The following ARHGAP35 variants were observed in gnomAD, a reference collection of about 807,000 sequenced individuals.
The protein encoded by ARHGAP35 is rho GTPase-activating protein 35.
ARHGAP35 carries 15 observed loss-of-function variants against 111.1 expected under a neutral mutation model. The ratio of observed to expected loss-of-function variants is 0.13; its 90% CI spans 0.09 to 0.21. ARHGAP35 has a LOEUF of 0.21. ARHGAP35 is among the 10% of genes least tolerant of loss of function. The pLI is 1.00. For synonymous variants in ARHGAP35, 643 were observed against 710.3 expected (o/e 0.91, Z 1.51); for missense variants, 1,262 against 1,873.0 (o/e 0.67, Z 6.02).
chr19:46,911,105 C>G (rs1182470861), intron 1 of ARHGAP35, among the ~76,000 whole-genome samples: 1 of 152,164 alleles, frequency 6.6e-6, no homozygotes, highest in Non-Finnish European at 1.5e-5. Context: ...TCTTGGAAAC[C>G]CTTTTCCAGT....
intron 1 of ARHGAP35, among the ~76,000 whole-genome samples, chr19:46,866,590 G>A (rs2055858757): frequency 1.3e-5 from 2 of 152,162 alleles, no homozygotes; most frequent in African/African-American, 2.4e-5. Flanking sequence ...CACTTACCAA[G>A]TTAGAGTTGG....
chr19:46,943,741 T>C (rs2056362854), intron 3 of ARHGAP35, among the ~76,000 whole-genome samples: 1 of 152,226 alleles, frequency 6.6e-6, no homozygotes, highest in Admixed American at 6.5e-5. Flanking sequence ...TTAAGGCTTG[T>C]CCTGCAAAAT....
Position 47,003,634 on chromosome 19 carries a change from G to A in ARHGAP35, c.*2946G>A, listed in dbSNP as rs979688584. On this transcript the variant is annotated 3_prime_UTR_variant, in exon 7 of 7. Transcript: ENST00000672722. ...TAGCGTTTGGGGAGGAACAGGGAGA[G>A]AGCTTCGGGGCGTCTGTCTCCGTGC... The A allele has an allele frequency of 6.6e-6, 1 of 152,244 alleles. No homozygotes were observed. The highest frequency in any genetic ancestry group is 2.4e-5 in the African/African-American group (1 of 41,444). 9.4% of individuals were successfully genotyped at this position (152,244 alleles called of 1,614,324 possible).
intron 3 of ARHGAP35, among the ~76,000 whole-genome samples, chr19:46,959,665 G>T (rs1187769987): frequency 6.6e-6 from 1 of 152,084 alleles, no homozygotes; most frequent in African/African-American, 2.4e-5. Context: ...CTCCCAAAGT[G>T]CTGGGATTAC....
chr19:46,900,222 G>GT (rs373787596), intron 1 of ARHGAP35, among the ~76,000 whole-genome samples: 22,709 of 128,566 alleles, frequency 0.18, 2,623 homozygotes, highest in Middle Eastern at 0.32. Context: ...TGTTTTTTGG[G>GT]TTTTTTTTTT....
intron 3 of ARHGAP35, among the ~76,000 whole-genome samples, chr19:46,981,774 G>C (rs1231777602): frequency 6.6e-6 from 1 of 152,216 alleles, no homozygotes; most frequent in Non-Finnish European, 1.5e-5. Context: ...GTCCCCACCA[G>C]CTCTCACCGG....
intron 1 of ARHGAP35, among the ~76,000 whole-genome samples, chr19:46,897,361 A>G (rs1383529020): frequency 6.6e-6 from 1 of 151,966 alleles, no homozygotes; most frequent in Non-Finnish European, 1.5e-5. Context: ...TGTTAATGGA[A>G]AGCTGGGTTA....
intron 3 of ARHGAP35, among the ~76,000 whole-genome samples, chr19:46,940,669 G>A (rs2056341500): frequency 6.7e-6 from 1 of 150,202 alleles, no homozygotes; most frequent in Admixed American, 6.6e-5. Flanking sequence ...TTCCCAGGCT[G>A]GTCTCAAACT....
At chr19:46,889,692 A>G (rs1333678242) in intron 1 of ARHGAP35, among the ~76,000 whole-genome samples, 1 of 142,484 alleles carries the variant, frequency 7.0e-6, no homozygotes, top group Non-Finnish European at 1.5e-5. Flanking sequence ...CGGAGCTTGC[A>G]GTGAGCCGAG....
intron 3 of ARHGAP35, among the ~76,000 whole-genome samples, chr19:46,953,220 A>C (rs759317399): frequency 5.3e-5 from 8 of 152,230 alleles, no homozygotes; most frequent in Non-Finnish European, 1.2e-4. Context: ...AAGAAGTAAA[A>C]TGTAAAGAAC....
At chr19:46,925,645 G>A (rs1171389432) in intron 2 of ARHGAP35, among the ~76,000 whole-genome samples, 1 of 152,220 alleles carries the variant, frequency 6.6e-6, no homozygotes, top group Admixed American at 6.5e-5. Flanking sequence ...GGAAGGCTAT[G>A]TGTGGGCATG....
In ARHGAP35 at chr19:46,861,182, C is replaced by A. The variant is rs1181129011; in HGVS notation, c.-216C>A. Among the ~76,000 whole-genome samples the A allele has an allele frequency of 6.6e-6, 1 of 151,648 alleles. No individual in the cohort carries two copies. The highest frequency in any genetic ancestry group is 6.6e-5 in the Admixed American group (1 of 15,230). ...GTCGTTGCTGCCGGGATTTTGGAGG[C>A]CGGGGCCGCGCTGAGGGCGCCCAGC... is the stretch of plus-strand genomic sequence containing the variant. On this transcript the variant is annotated 5_prime_UTR_variant, in exon 1 of 7. Transcript: ENST00000672722.
intron 3 of ARHGAP35, among the ~76,000 whole-genome samples, chr19:46,938,864 G>A (rs1326523498): frequency 1.3e-5 from 2 of 150,750 alleles, no homozygotes; most frequent in Non-Finnish European, 2.9e-5. Flanking sequence ...CACCACATTG[G>A]TCAGGCTGTC....
chr19:46,891,644 C>A (rs2056024507), intron 1 of ARHGAP35, among the ~76,000 whole-genome samples: 2 of 152,032 alleles, frequency 1.3e-5, no homozygotes, highest in Admixed American at 6.6e-5. Context: ...CCAGGATGGT[C>A]TCAATCTCTT....
intron 1 of ARHGAP35, among the ~76,000 whole-genome samples, chr19:46,913,068 A>C (rs989916479): frequency 6.6e-6 from 1 of 151,404 alleles, no homozygotes; most frequent in Non-Finnish European, 1.5e-5. Context: ...TTACAGTGTT[A>C]CTAGTTGGTG....
chr19:46,960,618 T>C (rs1424717313), intron 3 of ARHGAP35, among the ~76,000 whole-genome samples: 1 of 152,190 alleles, frequency 6.6e-6, no homozygotes, highest in African/African-American at 2.4e-5. Flanking sequence ...TAAAAAAAAT[T>C]GTAGAATCGT....
chr19:46,929,830 C>T (rs1878676298), intron 2 of ARHGAP35, among the ~76,000 whole-genome samples: 2 of 151,146 alleles, frequency 1.3e-5, no homozygotes, highest in African/African-American at 2.4e-5. Flanking sequence ...AGAAGAATCA[C>T]TTGAACCCAG....
chr19:46,975,161 T>C (rs1038463199), intron 3 of ARHGAP35, among the ~76,000 whole-genome samples: 6 of 152,120 alleles, frequency 3.9e-5, no homozygotes, highest in Non-Finnish European at 8.8e-5. Context: ...TGAGCCACCA[T>C]GCCTGGCCAG....
chr19:46,879,223 C>T (rs1213525274), intron 1 of ARHGAP35, among the ~76,000 whole-genome samples: 2 of 152,170 alleles, frequency 1.3e-5, no homozygotes, highest in East Asian at 1.9e-4. Flanking sequence ...TTCGGAAGGC[C>T]GAGGTGACCT....
Sources: allele counts gnomAD v4.1 joint callset (sites outside exome capture counted in the v4.1 genomes callset), GRCh38; gene constraint gnomAD v4.1.1; transcripts MANE v1.5; gene names NCBI Gene and HGNC (gene_info 2026-07-23, HGNC 2026-07-21).